The following DLC1 variants were observed in gnomAD, a reference collection of about 807,000 sequenced individuals.
The protein encoded by DLC1 is rho GTPase-activating protein 7.
DLC1 carries 54 observed loss-of-function variants against 140.3 expected under a neutral mutation model. The ratio of observed to expected loss-of-function variants is 0.38; its 90% CI spans 0.31 to 0.48. DLC1 has a LOEUF of 0.48. Among genes scored for constraint, DLC1 ranks in the 20% least tolerant of loss-of-function variants. DLC1 has a pLI of 0.96. For synonymous variants in DLC1, 986 were observed against 728.1 expected, an observed-to-expected ratio of 1.35 and a Z score of -5.70; for missense variants, 2,536 against 1,907.0, an observed-to-expected ratio of 1.33 and a Z score of -6.14.
In DLC1 at chr8:13,119,245, A is replaced by C. The variant is rs76371673; in HGVS notation, c.1349-3588T>G. Reference sequence around the variant, plus strand: ...CCTGTCTAAAAAAAAAAAAAAAAAAAAATAGGTCTAAACACCCTGGCAAGG... The same window carrying C: ...CCTGTCTAAAAAAAAAAAAAAAAAACAATAGGTCTAAACACCCTGGCAAGG... On this transcript the variant is annotated intron_variant, in intron 5 of 17. Transcript: ENST00000276297. Among the ~76,000 whole-genome samples the C allele has an allele frequency of 2.2e-3, 340 of 151,852 alleles. 1 individual carries two copies. The highest frequency in any genetic ancestry group is 7.9e-3 in the African/African-American group (329 of 41,400).
chr8:13,562,884 A>T (rs1804290947), intron 1 of DLC1, among the ~76,000 whole-genome samples: 1 of 150,962 alleles, frequency 6.6e-6, no homozygotes, highest in Non-Finnish European at 1.5e-5. Flanking sequence ...GTAAAGTGGT[A>T]TCTAGAATAT....
chr8:13,476,650 T>C (rs544316603), intron 2 of DLC1, among the ~76,000 whole-genome samples: 1 of 152,154 alleles, frequency 6.6e-6, no homozygotes, highest in East Asian at 1.9e-4. Context: ...GATGTTAGAG[T>C]TATGAAAGTT....
intron 5 of DLC1, among the ~76,000 whole-genome samples, chr8:13,129,203 C>G (rs1014304644): frequency 2.2e-4 from 33 of 152,232 alleles, no homozygotes; most frequent in African/African-American, 8.0e-4. Flanking sequence ...CATACTTCAA[C>G]CCTACAGCAC....
At chr8:13,365,793 C>A (rs1478021289) in intron 4 of DLC1, among the ~76,000 whole-genome samples, 1 of 152,066 alleles carries the variant, frequency 6.6e-6, no homozygotes, top group East Asian at 1.9e-4. Context: ...AAAAATCACT[C>A]AACTGCTAAT....
chr8:13,088,838 T>C (rs1288010288), intron 15 of DLC1, 134 bp from the exon 16 acceptor site: 3 of 675,278 alleles, frequency 4.4e-6, no homozygotes, highest in East Asian at 2.7e-5. Context: ...TAAATAATAC[T>C]ATATAATCAG....
chr8:13,381,405 G>C (rs989354764), intron 4 of DLC1, among the ~76,000 whole-genome samples: 1 of 152,222 alleles, frequency 6.6e-6, no homozygotes. Flanking sequence ...ACATCCTCCA[G>C]TGATCTGTGT....
chr8:13,389,436 C>T (rs879546142), intron 4 of DLC1, among the ~76,000 whole-genome samples: 1 of 152,040 alleles, frequency 6.6e-6, no homozygotes, highest in African/African-American at 2.4e-5. Context: ...GTACGAAAGG[C>T]ATTGTGAGAT....
intron 4 of DLC1, among the ~76,000 whole-genome samples, chr8:13,319,978 A>C (rs890297124): frequency 4.6e-5 from 7 of 151,634 alleles, no homozygotes; most frequent in African/African-American, 1.7e-4. Flanking sequence ...GCACGCCACC[A>C]CGCCCAGCTA....
intron 5 of DLC1, among the ~76,000 whole-genome samples, chr8:13,186,945 C>T (rs1826407530): frequency 6.6e-6 from 1 of 152,184 alleles, no homozygotes; most frequent in Non-Finnish European, 1.5e-5. Context: ...GCTGGAGTTC[C>T]ACTCTAGACC....
At chr8:13,087,642 A>G (rs760604466) in intron 16 of DLC1, among the ~76,000 whole-genome samples, 26 of 152,222 alleles carry the variant, frequency 1.7e-4, no homozygotes, top group Non-Finnish European at 2.9e-4. Context: ...TTGAAAAAAG[A>G]GCCCATTTGA....
At chr8:13,143,113 T>A (rs1245139367) in intron 5 of DLC1, among the ~76,000 whole-genome samples, 2 of 149,594 alleles carry the variant, frequency 1.3e-5, no homozygotes, top group Non-Finnish European at 3.0e-5. Flanking sequence ...GCAAGCCCAA[T>A]AAAAACGTTT....
intron 1 of DLC1, among the ~76,000 whole-genome samples, chr8:13,553,785 G>A (rs879793446): frequency 1.2e-4 from 19 of 152,104 alleles, no homozygotes; most frequent in African/African-American, 1.9e-4. Flanking sequence ...CCTTCAAAAC[G>A]ATTCTTGTCA....
intron 5 of DLC1, among the ~76,000 whole-genome samples, chr8:13,272,693 C>G (rs1324290511): frequency 6.6e-6 from 1 of 151,880 alleles, no homozygotes; most frequent in Non-Finnish European, 1.5e-5. Flanking sequence ...AACCCCGTCT[C>G]TACTAAAAAT....
In DLC1 at chr8:13,468,356, C is replaced by G. The variant is rs1429725671; in HGVS notation, c.1023+30693G>C. On this transcript the variant is annotated intron_variant, in intron 2 of 17. Coordinates refer to ENST00000276297, the MANE Select transcript of DLC1 (RefSeq NM_182643.3). ...TCCCCCCATTCCCCTCCCCTCCCCT[C>G]CCCTCCCCTCCCCTCTCCTTTTCTG... Among the ~76,000 whole-genome samples the G allele has an allele frequency of 4.1e-5, 5 of 121,842 alleles. No individual in the cohort carries two copies. In the South Asian group the frequency reaches 1.7e-3, roughly 42 times the overall value. The allele number at this position is 121,842 out of a possible 152,430, so 79.9% of individuals were successfully genotyped here.
chr8:13,352,762 G>C (rs562257843), intron 4 of DLC1, among the ~76,000 whole-genome samples: 1 of 152,126 alleles, frequency 6.6e-6, no homozygotes, highest in East Asian at 1.9e-4. Flanking sequence ...TTTTGGAGAG[G>C]AAGAATCGTT....
intron 14 of DLC1, among the ~76,000 whole-genome samples, chr8:13,091,088 G>A (rs549373956): frequency 2.9e-4 from 44 of 152,220 alleles, no homozygotes; most frequent in African/African-American, 7.7e-4. Context: ...AATTACAGGC[G>A]TGAGCCACTG....
chr8:13,577,462 A>G (rs950906489), intron 1 of DLC1, among the ~76,000 whole-genome samples: 2 of 152,186 alleles, frequency 1.3e-5, no homozygotes, highest in Admixed American at 1.3e-4. Flanking sequence ...TTTATGTTCA[A>G]TAATTCTCTT....
intron 6 of DLC1, among the ~76,000 whole-genome samples, chr8:13,111,592 T>C (rs960524967): frequency 9.2e-5 from 14 of 152,266 alleles, no homozygotes; most frequent in Non-Finnish European, 1.8e-4. Context: ...AAAAGATCCC[T>C]TGGTAAGTAA....
At chr8:13,578,728 C>G (rs1346816389) in intron 1 of DLC1, among the ~76,000 whole-genome samples, 2 of 152,114 alleles carry the variant, frequency 1.3e-5, no homozygotes, top group Admixed American at 6.6e-5. Flanking sequence ...ATGCACAGGG[C>G]AAGGTGTGGG....
Sources: gnomAD v4.1 joint callset for allele counts (sites outside exome capture counted in the v4.1 genomes callset) on GRCh38, gnomAD v4.1.1 for gene constraint, MANE v1.5 for transcripts, NCBI Gene and HGNC (gene_info 2026-07-23, HGNC 2026-07-21) for gene names.